The following TMEM81 variants were observed in gnomAD, a reference collection of about 807,000 sequenced individuals.
TMEM81 encodes the protein transmembrane protein 81.
For missense variants in TMEM81, 294 were observed against 300.5 expected (o/e 0.98, Z 0.16); for synonymous variants, 132 against 119.1 (o/e 1.11, Z -0.71).
At position 205,083,929 on chromosome 1, in the gene TMEM81, T is replaced by C; in HGVS notation, c.392A>G (p.Asp131Gly). The C allele has an allele frequency of 1.2e-6, 2 of 1,614,194 alleles. No homozygotes were observed. Among genetic ancestry groups the C allele is most frequent in the Non-Finnish European group, 1.7e-6 (2 of 1,180,038 alleles). ...TTGAAAGGGTTTGAAGACCTCATCGTCAGTGGAGATGACACCTCGAGCAAG... is the reference window on the plus strand; with the variant it reads ...TTGAAAGGGTTTGAAGACCTCATCGCCAGTGGAGATGACACCTCGAGCAAG... ...WRLARGVIST[D>G]DEVFKPFQAN... The change falls in exon 1 of 1, where the codon GAC becomes GGC. Residue 131 changes from aspartate (D) to glycine (G), a missense_variant. Physicochemically the swap from Asp to Gly is moderately conservative, Grantham distance 94. Coordinates refer to ENST00000367167, the MANE Select transcript of TMEM81 (RefSeq NM_203376.2).
chr1:205,084,165 G>C lies in TMEM81; in HGVS notation c.156C>G (p.Thr52=), dbSNP rs1240054816. Reference sequence around the variant, plus strand: ...TCTCCTCCTTATAGCCAAGGCCACAGGTGACAGTACAGGTTGTGGCATTGA... The same window carrying C: ...TCTCCTCCTTATAGCCAAGGCCACACGTGACAGTACAGGTTGTGGCATTGA... The part of the protein sequence containing the change: ...VIINATTCTV[T]CGLGYKEETV... The change falls in exon 1 of 1, where the codon ACC becomes ACG. Residue 52 remains threonine, a synonymous_variant. Transcript: ENST00000367167. The C allele has an allele frequency of 1.2e-6, 2 of 1,614,066 alleles. No homozygotes were observed. The highest frequency in any genetic ancestry group is 1.7e-6 in the Non-Finnish European group (2 of 1,180,048).
Position 205,083,907 on chromosome 1 carries a change from A to G in TMEM81, c.414T>C (p.Phe138=), listed in dbSNP as rs749552508. 3.1e-6 allele frequency: 5 copies of G among 1,614,088 alleles called. No homozygotes were observed. The East Asian group carries it at 1.1e-4, about 36-fold the overall frequency. ...ACTTCACAAAGTGGGAGTTGGCTTG[A>G]AAGGGTTTGAAGACCTCATCGTCAG... ...ISTDDEVFKP[F]QANSHFVKFK... is the part of the protein sequence containing the mutation. The change falls in exon 1 of 1, where the codon TTT becomes TTC. Residue 138 remains phenylalanine, a synonymous_variant. Transcript: ENST00000367167.
In TMEM81 at chr1:205,084,257, C is replaced by A; in HGVS notation, c.64G>T (p.Val22Leu). The stretch of plus-strand genomic sequence containing the variant: ...GCCAGTGTTTTAGGTGTAGTCACCA[C>A]CAAAGGCAGGTAGAAGGCCAACCCC... ...SLGLAFYLPL[V>L]VTTPKTLAIP... Residue 22 changes from valine (V) to leucine (L), a missense_variant, in exon 1 of 1, where the codon GTG (valine) becomes TTG (leucine). Physicochemically the swap from Val to Leu is conservative, Grantham distance 32 (BLOSUM62 1). Transcript: ENST00000367167. 1 of 1,613,990 alleles carries A rather than the reference C, an allele frequency of 6.2e-7. No individual in the cohort carries two copies. The highest frequency in any genetic ancestry group is 8.5e-7 in the Non-Finnish European group (1 of 1,180,016).
At position 205,084,065 on chromosome 1, in the gene TMEM81, T is replaced by A; in HGVS notation, c.256A>T (p.Ile86Phe). Residue 86 changes from isoleucine to phenylalanine, a missense_variant, in exon 1 of 1, where the codon ATC (isoleucine) becomes TTC (phenylalanine). Physicochemically the swap from Ile to Phe is conservative, Grantham distance 21. Coordinates refer to ENST00000367167, the MANE Select transcript of TMEM81 (RefSeq NM_203376.2). ...ATGGTGAAATGGAGCATCCCACAGA[T>A]CCAGTTGGTCAGACATTCTAAGCGC... Reference protein sequence around the residue: ...TRRLECLTNWICGMLHFTILI... With the variant: ...TRRLECLTNWFCGMLHFTILI... 1 of 1,614,148 alleles carries A rather than the reference T, an allele frequency of 6.2e-7. No individual in the cohort carries two copies. Among genetic ancestry groups the A allele is most frequent in the Non-Finnish European group, 8.5e-7 (1 of 1,180,030 alleles).
rs1655083472 is a variant in TMEM81, at chr1:205,084,408, C to T, written c.-88G>A. 3.7e-6 allele frequency: 5 copies of T among 1,366,664 alleles called. No homozygotes were observed. The highest frequency in any genetic ancestry group is 5.0e-6 in the Non-Finnish European group (5 of 997,452). The allele number at this position is 1,366,664 out of a possible 1,614,324, so 84.7% of individuals were successfully genotyped here. ...ATAAATCATAACTTGATTCCTTTGA[C>T]ATGAGATATCCTTCAAAGTCAAAAG... On this transcript the variant is annotated 5_prime_UTR_variant, in exon 1 of 1. The change abolishes an upstream ATG in the 5' untranslated region. Transcript: ENST00000367167.
rs1263027819 is a variant in TMEM81, at chr1:205,084,267, G to A, written c.54C>T (p.Tyr18=). ...TAGGTGTAGTCACCACCAAAGGCAG[G>A]TAGAAGGCCAACCCCAGGCTCCCAA... ...FVLGSLGLAF[Y]LPLVVTTPKT... The change falls in exon 1 of 1, where the codon TAC becomes TAT. Residue 18 remains tyrosine, a synonymous_variant. Coordinates refer to ENST00000367167, the MANE Select transcript of TMEM81 (RefSeq NM_203376.2). The A allele has an allele frequency of 1.2e-6, 2 of 1,613,938 alleles. No homozygotes were observed. Among genetic ancestry groups the A allele is most frequent in the East Asian group, 2.2e-5 (1 of 44,850 alleles).
chr1:205,083,910 G>C lies in TMEM81; in HGVS notation c.411C>G (p.Pro137=). Reference sequence around the variant, plus strand: ...TCACAAAGTGGGAGTTGGCTTGAAAGGGTTTGAAGACCTCATCGTCAGTGG... The same window carrying C: ...TCACAAAGTGGGAGTTGGCTTGAAACGGTTTGAAGACCTCATCGTCAGTGG... ...VISTDDEVFK[P]FQANSHFVKF... Residue 137 remains proline, a synonymous_variant, in exon 1 of 1, where the codon CCC becomes CCG. Transcript: ENST00000367167. The C allele has an allele frequency of 6.2e-7, 1 of 1,614,210 alleles. No individual in the cohort carries two copies. The highest frequency in any genetic ancestry group is 1.3e-5 in the African/African-American group (1 of 75,042).
rs762283442 is a variant in TMEM81 at position 205,083,736 on chromosome 1, A to T, written c.585T>A (p.Thr195=). The T allele has an allele frequency of 6.2e-7, 1 of 1,614,208 alleles. No individual in the cohort carries two copies. The highest frequency in any genetic ancestry group is 8.5e-7 in the Non-Finnish European group (1 of 1,180,024). The change falls in exon 1 of 1, where the codon ACT becomes ACA. Residue 195 remains threonine, a synonymous_variant. Transcript: ENST00000367167. ...CCTCATCTATTAACTTCTGATCCTC[A>T]GTAAGTGACTGATGGAAATTCAGAT... ...LVNLNFHQSL[T]EDQKLIDEGL... is the part of the protein sequence containing the mutation.
At position 205,084,097 on chromosome 1, in the gene TMEM81, T is replaced by C; in HGVS notation, c.224A>G (p.Gln75Arg). 1 of 1,614,234 alleles carries C rather than the reference T, an allele frequency of 6.2e-7. No individual in the cohort carries two copies. Among genetic ancestry groups the C allele is most frequent in the Admixed American group, 1.7e-5 (1 of 60,030 alleles). ...GGTCAGACATTCTAAGCGCCGAGTC[T>C]GACATTTCCTTCTCACTCCATCAGG... ...VGPDGVRRKC[Q>R]TRRLECLTNW... Residue 75 changes from glutamine (Q) to arginine (R), a missense_variant, in exon 1 of 1, where the codon CAG becomes CGG. By Grantham distance (43) the Gln-to-Arg change is conservative. Transcript: ENST00000367167.
At position 205,083,868 on chromosome 1, in the gene TMEM81, C is replaced by T. The variant is rs765797794; in HGVS notation, c.453G>A (p.Gln151=). 2.5e-6 allele frequency: 4 copies of T among 1,614,202 alleles called. No homozygotes were observed. The South Asian group carries it at 4.4e-5, about 18-fold the overall frequency. The change falls in exon 1 of 1, where the codon CAG becomes CAA. Residue 151 remains glutamine, a synonymous_variant. Transcript: ENST00000367167. ...AGCGATATGTCCCAGAGTCATACTC[C>T]TGAGCATATTTAAACTTCACAAAGT... ...NSHFVKFKYA[Q]EYDSGTYRCD...
rs762121959 is a variant in TMEM81, at chr1:205,083,839, T to A, written c.482A>T (p.Asp161Val). 1.2e-6 allele frequency: 2 copies of A among 1,614,210 alleles called. No homozygotes were observed. Among genetic ancestry groups the A allele is most frequent in the Non-Finnish European group, 1.7e-6 (2 of 1,180,044 alleles). Residue 161 changes from aspartate to valine, a missense_variant, in exon 1 of 1, where the codon GAT (aspartate) becomes GTT (valine). Transcript: ENST00000367167. ...TCTCAAGTTTTTTACCAGCTGCACATCACAGCGATATGTCCCAGAGTCATA... is the reference window on the plus strand; with the variant it reads ...TCTCAAGTTTTTTACCAGCTGCACAACACAGCGATATGTCCCAGAGTCATA... ...QEYDSGTYRCDVQLVKNLRLV... is the reference protein window; with the variant it reads ...QEYDSGTYRCVVQLVKNLRLV...
rs759785457 is a variant in TMEM81 at position 205,083,603 on chromosome 1, C to G, written c.718G>C (p.Val240Leu). 56 of 1,613,948 alleles carry G rather than the reference C, an allele frequency of 3.5e-5. No individual in the cohort carries two copies. Among genetic ancestry groups the G allele is most frequent in the Non-Finnish European group, 4.3e-5 (51 of 1,179,984 alleles). The change falls in exon 1 of 1, where the codon GTG becomes CTG. Residue 240 changes from valine to leucine, a missense_variant. Coordinates refer to ENST00000367167, the MANE Select transcript of TMEM81 (RefSeq NM_203376.2). ...GCACAGAGGACAATCCTCACCAACA[C>G]GCCACCAACCACTCCAATGGCAATT... is the stretch of plus-strand genomic sequence containing the variant. The part of the protein sequence containing the change: ...IGIAIGVVGG[V>L]LVRIVLCALR...
chr1:205,083,819 A>G lies in TMEM81; in HGVS notation c.502T>C (p.Leu168=). The change falls in exon 1 of 1, where the codon TTG becomes CTG. Residue 168 remains leucine (L), a synonymous_variant. Coordinates refer to ENST00000367167, the MANE Select transcript of TMEM81 (RefSeq NM_203376.2). ...YRCDVQLVKN[L]RLVKRLYFGL... is the part of the protein sequence containing the mutation. ...AAATAGAGCCTCTTGACGAGTCTCAAGTTTTTTACCAGCTGCACATCACAG... is the reference window on the plus strand; with the variant it reads ...AAATAGAGCCTCTTGACGAGTCTCAGGTTTTTTACCAGCTGCACATCACAG... 1 of 1,614,222 alleles carries G rather than the reference A, an allele frequency of 6.2e-7. No individual in the cohort carries two copies. The highest frequency in any genetic ancestry group is 1.1e-5 in the South Asian group (1 of 91,088).
chr1:205,083,315 G>T lies in TMEM81; in HGVS notation c.*238C>A. On this transcript the variant is annotated 3_prime_UTR_variant, in exon 1 of 1. Transcript: ENST00000367167. ...ACACAGGCAATGCTTGCAGTTTCCT[G>T]GGTACCCAATGGGCAGGGAAGATCA... is the stretch of plus-strand genomic sequence containing the variant. 2.1e-6 allele frequency: 1 copy of T among 481,656 alleles called. No homozygotes were observed. The highest frequency in any genetic ancestry group is 1.9e-5 in the African/African-American group (1 of 51,660). The allele number at this position is 481,656 out of a possible 1,614,324, so 29.8% of individuals were successfully genotyped here.
rs1655083925 is a variant in TMEM81, at chr1:205,084,434, A to T, written c.-114T>A. The T allele has an allele frequency of 1.8e-6, 2 of 1,087,432 alleles. No homozygotes were observed. The highest frequency in any genetic ancestry group is 1.3e-6 in the Non-Finnish European group (1 of 753,992). The allele number at this position is 1,087,432 out of a possible 1,614,324, so 67.4% of individuals were successfully genotyped here. A position where few individuals can be genotyped will look rare whatever the true frequency, so the allele number is the denominator to read the frequency against. On this transcript the variant is annotated 5_prime_UTR_variant, in exon 1 of 1. Coordinates refer to ENST00000367167, the MANE Select transcript of TMEM81 (RefSeq NM_203376.2). The stretch of plus-strand genomic sequence containing the variant: ...ATGAGATATCCTTCAAAGTCAAAAG[A>T]TATGATGCATGTATTGTCAATAAAA...
In TMEM81 at chr1:205,083,578, G is replaced by A. The variant is rs143151477; in HGVS notation, c.743C>T (p.Ala248Val). ...TCACTGCTGCAGGCCCCCCCTTAGC[G>A]CACAGAGGACAATCCTCACCAACAC... ...GGVLVRIVLC[A>V]LRGGLQQ is the part of the protein sequence containing the mutation. Residue 248 changes from alanine (A) to valine (V), a missense_variant, in exon 1 of 1, where the codon GCG (alanine) becomes GTG (valine). By Grantham distance (64) the Ala-to-Val change is moderately conservative. Transcript: ENST00000367167. The A allele has an allele frequency of 2.6e-5, 42 of 1,611,662 alleles. No individual in the cohort carries two copies. In the Middle Eastern group the frequency reaches 5.0e-4, roughly 19 times the overall value.
rs1023405708 is a variant in TMEM81 at position 205,084,282 on chromosome 1, C to T, written c.39G>A (p.Leu13=). The T allele has an allele frequency of 6.2e-7, 1 of 1,613,952 alleles. No individual in the cohort carries two copies. The highest frequency in any genetic ancestry group is 1.3e-5 in the African/African-American group (1 of 74,884). ...VLATSFVLGS[L]GLAFYLPLVV... ...CCAAAGGCAGGTAGAAGGCCAACCCCAGGCTCCCAAGGACAAAACTAGTGG... is the reference window on the plus strand; with the variant it reads ...CCAAAGGCAGGTAGAAGGCCAACCCTAGGCTCCCAAGGACAAAACTAGTGG... Residue 13 remains leucine, a synonymous_variant, in exon 1 of 1, where the codon CTG becomes CTA. Coordinates refer to ENST00000367167, the MANE Select transcript of TMEM81 (RefSeq NM_203376.2).
chr1:205,083,566 C>CACACAGAGGACAAT lies in TMEM81; in HGVS notation c.754_755insATTGTCCTCTGTGT (p.Gly252AspfsTer30). ...TTCTTGAAGCTGTCACTGCTGCAGG[C>CACACAGAGGACAAT]CCCCCCTTAGCGCACAGAGGACAAT... On this transcript the variant is annotated frameshift_variant, in exon 1 of 1. Transcript: ENST00000367167. LOFTEE classifies it low-confidence loss of function (END_TRUNC). 2 of 1,602,270 alleles carry CACACAGAGGACAAT rather than the reference C, an allele frequency of 1.2e-6. No individual in the cohort carries two copies. Among genetic ancestry groups the CACACAGAGGACAAT allele is most frequent in the Non-Finnish European group, 1.7e-6 (2 of 1,172,230 alleles).
Position 205,083,713 on chromosome 1 carries a change from T to C in TMEM81, c.608A>G (p.Glu203Gly), listed in dbSNP as rs1233118112. ...SLTEDQKLID[E>G]GLEVNLDSYS... is the part of the protein sequence containing the mutation. ...GCTGTCCAGATTAACTTCCAATCCC[T>C]CATCTATTAACTTCTGATCCTCAGT... The change falls in exon 1 of 1, where the codon GAG (glutamate) becomes GGG (glycine). Residue 203 changes from glutamate to glycine, a missense_variant. By Grantham distance (98) the Glu-to-Gly change is moderately conservative (BLOSUM62 -2). Transcript: ENST00000367167. 2 of 1,614,206 alleles carry C rather than the reference T, an allele frequency of 1.2e-6. No individual in the cohort carries two copies. The highest frequency in any genetic ancestry group is 1.7e-5 in the Admixed American group (1 of 60,022).
Sources: gnomAD v4.1 joint callset for allele counts on GRCh38, gnomAD v4.1.1 for gene constraint, MANE v1.5 for transcripts, NCBI Gene and HGNC (gene_info 2026-07-23, HGNC 2026-07-21) for gene names.